The following AP4E1 variants were observed in gnomAD, a reference collection of about 807,000 sequenced individuals.
AP4E1 encodes AP-4 complex subunit epsilon-1.
AP4E1 carries 56 observed loss-of-function variants against 128.2 expected under a neutral mutation model. The ratio of observed to expected loss-of-function variants is 0.44; its 90% CI spans 0.35 to 0.55. The LOEUF is 0.55. Ranked by LOEUF, AP4E1 falls within the 20% of genes least tolerant of loss-of-function variation. The pLI is 0.00. For missense variants in AP4E1, 1,324 were observed against 1,307.7 expected (o/e 1.01, Z -0.19); for synonymous variants, 484 against 473.1 (o/e 1.02, Z -0.30).
chr15:50,955,496 C>A (rs1417826873), intron 13 of AP4E1, among the ~76,000 whole-genome samples: 3 of 152,120 alleles, frequency 2.0e-5, no homozygotes, highest in Non-Finnish European at 4.4e-5. Context: ...TGGTGTTGTT[C>A]AGTTCTTCTA....
intron 15 of AP4E1, among the ~76,000 whole-genome samples, chr15:50,974,171 G>A (rs1289769478): frequency 6.6e-6 from 1 of 152,030 alleles, no homozygotes; most frequent in East Asian, 1.9e-4. Context: ...TTGCCATGTT[G>A]GCCAGGCTGG....
upstream of AP4E1, among the ~76,000 whole-genome samples, chr15:50,907,786 C>T (rs2063505415): frequency 6.6e-6 from 1 of 152,178 alleles, no homozygotes; most frequent in African/African-American, 2.4e-5. Context: ...TTTGTGAATT[C>T]CCTAGAAGGG....
At chr15:50,995,186 A>T (rs900222704) in intron 17 of AP4E1, among the ~76,000 whole-genome samples, 1 of 152,136 alleles carries the variant, frequency 6.6e-6, no homozygotes, top group African/African-American at 2.4e-5. Context: ...GTCATGCCTC[A>T]TTTTGGATGG....
At position 50,997,830 on chromosome 15, in the gene AP4E1, G is replaced by A; in HGVS notation, c.2851G>A (p.Gly951Ser). 3.1e-6 allele frequency: 5 copies of A among 1,598,712 alleles called. No individual in the cohort carries two copies. Among genetic ancestry groups the A allele is most frequent in the Non-Finnish European group, 4.3e-6 (5 of 1,170,654 alleles). ...GGTCTGGTCAGTCACTAATAAGAGT[G>A]GTTTGGAATTGAAAAGTGCTGACTT... ...LMVWSVTNKS[G>S]LELKSADLEI... The change falls in exon 18 of 21, where the codon GGT (glycine) becomes AGT (serine). Residue 951 changes from glycine (G) to serine (S), a missense_variant. Physicochemically the swap from Gly to Ser is moderately conservative, Grantham distance 56. Coordinates refer to ENST00000261842, the MANE Select transcript of AP4E1 (RefSeq NM_007347.5).
At position 51,002,873 on chromosome 15, in the gene AP4E1, C is replaced by CACTTTTTGAGGGA; in HGVS notation, c.*211_*212insACTTTTTGAGGGA. On this transcript the variant is annotated 3_prime_UTR_variant, in exon 21 of 21. Transcript: ENST00000261842. Reference sequence around the variant, plus strand: ...TCAGGATTGTACAGTATGTTTAGGTCCCTCAAAAAGTGACCTAAGCTAATG... The same window carrying CACTTTTTGAGGGA: ...TCAGGATTGTACAGTATGTTTAGGTCACTTTTTGAGGGACCTCAAAAAGTGACCTAAGCTAATG... The CACTTTTTGAGGGA allele has an allele frequency of 1.7e-6, 1 of 590,654 alleles. No homozygotes were observed. The highest frequency in any genetic ancestry group is 2.9e-6 in the Non-Finnish European group (1 of 342,526). The allele number at this position is 590,654 out of a possible 1,614,324, so 36.6% of individuals were successfully genotyped here.
chr15:50,974,585 A>G (rs1021120632), intron 15 of AP4E1, among the ~76,000 whole-genome samples: 1 of 152,018 alleles, frequency 6.6e-6, no homozygotes, highest in African/African-American at 2.4e-5. Context: ...TATTTTTTTG[A>G]GGAACCTCCA....
intron 15 of AP4E1, among the ~76,000 whole-genome samples, chr15:50,968,826 A>G (rs547672500): frequency 2.9e-5 from 4 of 138,670 alleles, no homozygotes; most frequent in Admixed American, 1.4e-4. Context: ...TGGGGTTTCA[A>G]ACTTGGCCAG....
chr15:50,958,942 CAG>C, intron 14 of AP4E1, 148 bp downstream of exon 14: 1 of 901,622 alleles, frequency 1.1e-6, no homozygotes, highest in South Asian at 1.5e-5. Flanking sequence ...ATTAGTATGA[CAG>C]GGAATCTGAA....
intron 15 of AP4E1, among the ~76,000 whole-genome samples, chr15:50,975,641 G>C (rs1394412989): frequency 2.0e-5 from 3 of 152,046 alleles, no homozygotes; most frequent in Admixed American, 6.6e-5. Flanking sequence ...TCTCTGTTCT[G>C]TCTCTATGTC....
chr15:50,958,501 G>T lies in AP4E1; in HGVS notation c.1558G>T (p.Glu520Ter). ...TTTGTTTTATTTACAGGTATTAGGG[G>T]AATATTCCTACCTCTTAGATAAGGA... ...FLQVMSWVLG[E>*]YSYLLDKETP... Residue 520 changes from glutamate to a stop codon, truncating the protein, a stop_gained, in exon 14 of 21, where the codon GAA (glutamate) becomes TAA (stop). Coordinates refer to ENST00000261842, the MANE Select transcript of AP4E1 (RefSeq NM_007347.5). LOFTEE classifies it high-confidence loss of function. 6.2e-7 allele frequency: 1 copy of T among 1,610,948 alleles called. No homozygotes were observed. The highest frequency in any genetic ancestry group is 8.5e-7 in the Non-Finnish European group (1 of 1,178,144).
At chr15:50,910,869 T>A (rs1449868745) in intron 1 of AP4E1, among the ~76,000 whole-genome samples, 2 of 152,260 alleles carry the variant, frequency 1.3e-5, no homozygotes, top group East Asian at 3.9e-4. Flanking sequence ...TTGGCCAGGC[T>A]GGTCTTGAAC....
chr15:50,955,580 T>C (rs1412071921), intron 13 of AP4E1, among the ~76,000 whole-genome samples: 1 of 152,206 alleles, frequency 6.6e-6, no homozygotes, highest in Non-Finnish European at 1.5e-5. Flanking sequence ...TTCTGTGGCC[T>C]ATACTGACAC....
intron 5 of AP4E1, among the ~76,000 whole-genome samples, chr15:50,928,033 C>T (rs1002670736): frequency 1.3e-5 from 2 of 152,106 alleles, no homozygotes; most frequent in East Asian, 1.9e-4. Flanking sequence ...ATTTTTGCTT[C>T]TGTGTGCTAG....
At chr15:50,950,205 C>A in intron 13 of AP4E1, 36 bp downstream of exon 13, 3 of 1,369,576 alleles carry the variant, frequency 2.2e-6, no homozygotes, top group South Asian at 1.2e-5. Flanking sequence ...ATTTTTATAA[C>A]ATTTTTAATA....
At chr15:50,913,984 A>G (rs2063597791) in intron 2 of AP4E1, among the ~76,000 whole-genome samples, 2 of 151,846 alleles carry the variant, frequency 1.3e-5, no homozygotes, top group Non-Finnish European at 2.9e-5. Flanking sequence ...CGCCTGGCTA[A>G]TTTTTGTATT....
chr15:50,954,841 G>A (rs1177282449), intron 13 of AP4E1, among the ~76,000 whole-genome samples: 1 of 151,938 alleles, frequency 6.6e-6, no homozygotes, highest in African/African-American at 2.4e-5. Flanking sequence ...CTATCCCTCT[G>A]CCGTCCCCCT....
chr15:50,985,159 G>T (rs1454591695), intron 16 of AP4E1, among the ~76,000 whole-genome samples: 1 of 149,790 alleles, frequency 6.7e-6, no homozygotes, highest in Non-Finnish European at 1.5e-5. Context: ...GGGGTTGTTT[G>T]TTTTTTTTCT....
intron 15 of AP4E1, among the ~76,000 whole-genome samples, chr15:50,979,377 G>C (rs1303100009): frequency 6.6e-6 from 1 of 152,182 alleles, no homozygotes; most frequent in Non-Finnish European, 1.5e-5. Flanking sequence ...AGAGTGGGTT[G>C]TTACAAGAGT....
chr15:50,968,485 T>A, intron 15 of AP4E1, 108 bp downstream of exon 15: 1 of 907,350 alleles, frequency 1.1e-6, no homozygotes, highest in Non-Finnish European at 1.7e-6. Flanking sequence ...TATTTCTCTT[T>A]AATGATTCAC....
Sources: allele counts gnomAD v4.1 joint callset (sites outside exome capture counted in the v4.1 genomes callset), GRCh38; gene constraint gnomAD v4.1.1; transcripts MANE v1.5; gene names NCBI Gene and HGNC (gene_info 2026-07-23, HGNC 2026-07-21).